The following ATMIN variants were observed in gnomAD, a reference collection of about 807,000 sequenced individuals.
The protein encoded by ATMIN is ATM INteracting protein.
A neutral mutation model predicts 49.2 loss-of-function variants in ATMIN; 24 were observed. The observed-to-expected ratio is 0.49, with a 90% confidence interval of 0.35 to 0.69. ATMIN has a LOEUF of 0.69. Among genes scored for constraint, ATMIN ranks in the 30% least tolerant of loss-of-function variants. ATMIN has a pLI of 0.00. For synonymous variants in ATMIN, 450 were observed against 392.5 expected (o/e 1.15, Z -1.73); for missense variants, 1,037 against 1,005.5 (o/e 1.03, Z -0.42).
intron 1 of ATMIN, 128 bp downstream of exon 1, chr16:81,036,334 G>A (rs1047624124): frequency 1.1e-5 from 10 of 912,422 alleles, no homozygotes; most frequent in African/African-American, 1.8e-5. Flanking sequence ...TGCCCCACCG[G>A]CCTCTGCCCT....
Position 81,044,821 on chromosome 16 carries a change from C to T in ATMIN, c.2323C>T (p.Leu775=). 1 of 1,614,170 alleles carries T rather than the reference C, an allele frequency of 6.2e-7. No homozygotes were observed. Among genetic ancestry groups the T allele is most frequent in the African/African-American group, 1.3e-5 (1 of 75,034 alleles). Residue 775 remains leucine, a synonymous_variant, in exon 4 of 4, where the codon CTG becomes TTG. Coordinates refer to ENST00000299575, the MANE Select transcript of ATMIN (RefSeq NM_015251.3). ...TQTMSSGFET[L]GSLFFTSNET... ...GACCATGAGTTCTGGGTTTGAAACCCTGGGGAGCTTGTTCTTCACCAGCAA... is the reference window on the plus strand; with the variant it reads ...GACCATGAGTTCTGGGTTTGAAACCTTGGGGAGCTTGTTCTTCACCAGCAA...
In ATMIN at chr16:81,046,661, G is replaced by GACACACACACACACACACACAC. The variant is rs56038631; in HGVS notation, c.*1700_*1721dup. 3.4e-5 allele frequency: 5 copies of GACACACACACACACACACACAC among 147,312 alleles called. No homozygotes were observed. The highest frequency in any genetic ancestry group is 1.2e-4 in the African/African-American group (5 of 40,150). 9.1% of individuals were successfully genotyped at this position (147,312 alleles called of 1,614,324 possible). On this transcript the variant is annotated 3_prime_UTR_variant, in exon 4 of 4. Transcript: ENST00000299575. ...GTGCAGCCTGTAAGTTCTCCACATT[G>GACACACACACACACACACACAC]ACACACACACACACACACACACACA...
In ATMIN at chr16:81,042,427, A is replaced by C; in HGVS notation, c.609A>C (p.Thr203=). ...GCGGCTGTCCCTACGCCAGTAGAAC[A>C]GCACTGCAGTCTCACATCTACCGAA... ...CTCGCPYASR[T]ALQSHIYRTG... The change falls in exon 3 of 4, where the codon ACA becomes ACC. Residue 203 remains threonine (T), a synonymous_variant. Coordinates refer to ENST00000299575, the MANE Select transcript of ATMIN (RefSeq NM_015251.3). 6.2e-7 allele frequency: 1 copy of C among 1,614,230 alleles called. No individual in the cohort carries two copies. Among genetic ancestry groups the C allele is most frequent in the South Asian group, 1.1e-5 (1 of 91,088 alleles).
rs1971032579 is a variant in ATMIN at position 81,041,284 on chromosome 16, C to G, written c.337-72C>G. On this transcript the variant is annotated intron_variant, in intron 1 of 3. Transcript: ENST00000299575. ...TTCACAAAATGTGCTCGTTTTCAGT[C>G]ATTCCGTTTCCACTCCAGCCTGTTG... The G allele has an allele frequency of 3.4e-6, 5 of 1,484,750 alleles. No individual in the cohort carries two copies. In the Admixed American group the frequency reaches 6.7e-5, roughly 20 times the overall value. The allele number at this position is 1,484,750 out of a possible 1,614,324, so 92.0% of individuals were successfully genotyped here.
Position 81,045,068 on chromosome 16 carries a change from C to G in ATMIN, c.*98C>G. 1 of 1,449,200 alleles carries G rather than the reference C, an allele frequency of 6.9e-7. No individual in the cohort carries two copies. The highest frequency in any genetic ancestry group is 9.3e-7 in the Non-Finnish European group (1 of 1,078,636). 89.8% of individuals were successfully genotyped at this position (1,449,200 alleles called of 1,614,324 possible). ...ACAGTATTAATTCGATTGAATGTGGCTGATGATGCAGTTGCTTAGCTTCTT... is the reference window on the plus strand; with the variant it reads ...ACAGTATTAATTCGATTGAATGTGGGTGATGATGCAGTTGCTTAGCTTCTT... On this transcript the variant is annotated 3_prime_UTR_variant, in exon 4 of 4. Transcript: ENST00000299575.
intron 1 of ATMIN, 81 bp downstream of exon 1, chr16:81,036,287 T>C: frequency 9.0e-7 from 1 of 1,107,492 alleles, no homozygotes; most frequent in Non-Finnish European, 1.1e-6. Context: ...GAAGCCGGCC[T>C]CGGGGGGACG....
chr16:81,046,215 CAAG>C lies in ATMIN; in HGVS notation c.*1248_*1250del, dbSNP rs1971117158. On this transcript the variant is annotated 3_prime_UTR_variant, in exon 4 of 4. Transcript: ENST00000299575. ...TGAGTTTTGTCACTCTAAAATTAAA[CAAG>C]AAAAAAAGTGGGAAAAGGGCATCCC... The C allele has an allele frequency of 6.6e-6, 1 of 151,184 alleles. No individual in the cohort carries two copies. The highest frequency in any genetic ancestry group is 1.5e-5 in the Non-Finnish European group (1 of 67,968). The allele number at this position is 151,184 out of a possible 1,614,324, so 9.4% of individuals were successfully genotyped here. A position where few individuals can be genotyped will look rare whatever the true frequency, so the allele number is the denominator to read the frequency against.
chr16:81,043,114 G>A, intron 3 of ATMIN, 47 bp from the exon 4 acceptor site: 1 of 1,549,346 alleles, frequency 6.5e-7, no homozygotes, highest in Non-Finnish European at 8.7e-7. Context: ...CATGGTCGAA[G>A]AAAGTTGTAT....
intron 1 of ATMIN, among the ~76,000 whole-genome samples, chr16:81,036,668 C>T (rs926688490): frequency 1.3e-5 from 2 of 152,204 alleles, no homozygotes; most frequent in African/African-American, 2.4e-5. Context: ...CACAATGCCG[C>T]CCTTGGGTCC....
At position 81,044,930 on chromosome 16, in the gene ATMIN, C is replaced by T; in HGVS notation, c.2432C>T (p.Thr811Ile). The change falls in exon 4 of 4, where the codon ACC (threonine) becomes ATC (isoleucine). Residue 811 changes from threonine (T) to isoleucine (I), a missense_variant. By Grantham distance (89) the Thr-to-Ile change is moderately conservative. Coordinates refer to ENST00000299575, the MANE Select transcript of ATMIN (RefSeq NM_015251.3). ...TMESQFSSVETQTSAEPHTVS... is the reference protein window; with the variant it reads ...TMESQFSSVEIQTSAEPHTVS... The stretch of plus-strand genomic sequence containing the variant: ...GAGTCTCAGTTCAGCTCTGTAGAAA[C>T]CCAGACTTCTGCGGAACCACACACA... The T allele has an allele frequency of 6.2e-7, 1 of 1,613,922 alleles. No homozygotes were observed. The highest frequency in any genetic ancestry group is 1.7e-5 in the Admixed American group (1 of 60,016).
rs1971135560 is a variant in ATMIN, at chr16:81,047,155, A to G, written c.*2185A>G. The G allele has an allele frequency of 6.6e-6, 1 of 152,652 alleles. No homozygotes were observed. The highest frequency in any genetic ancestry group is 1.5e-5 in the Non-Finnish European group (1 of 68,042). The allele number at this position is 152,652 out of a possible 1,614,324, so 9.5% of individuals were successfully genotyped here. On this transcript the variant is annotated 3_prime_UTR_variant, in exon 4 of 4. Transcript: ENST00000299575. ...AAGAAAAATGAGCATGTAATAATAC[A>G]AGAACTGTTTCCCCCTCAAAACCTG...
rs777142859 is a variant in ATMIN, at chr16:81,044,948, C to A, written c.2450C>A (p.Pro817Gln). Residue 817 changes from proline (P) to glutamine (Q), a missense_variant, in exon 4 of 4, where the codon CCA becomes CAA. Physicochemically the swap from Pro to Gln is moderately conservative, Grantham distance 76. Coordinates refer to ENST00000299575, the MANE Select transcript of ATMIN (RefSeq NM_015251.3). ...SSVETQTSAE[P>Q]HTVSNF ...GTAGAAACCCAGACTTCTGCGGAAC[C>A]ACACACAGTCTCCAACTTCTAAAAC... 1.1e-5 allele frequency: 18 copies of A among 1,613,092 alleles called. No homozygotes were observed. Among genetic ancestry groups the A allele is most frequent in the East Asian group, 6.7e-5 (3 of 44,870 alleles).
chr16:81,044,579 T>A lies in ATMIN; in HGVS notation c.2081T>A (p.Phe694Tyr), dbSNP rs1198766826. 1.2e-6 allele frequency: 2 copies of A among 1,614,020 alleles called. No individual in the cohort carries two copies. The highest frequency in any genetic ancestry group is 1.7e-5 in the Admixed American group (1 of 60,012). The change falls in exon 4 of 4, where the codon TTC becomes TAC. Residue 694 changes from phenylalanine to tyrosine, a missense_variant. Transcript: ENST00000299575. Reference protein sequence around the residue: ...QSYGCRGNSNFLGLEMFDTQT... With the variant: ...QSYGCRGNSNYLGLEMFDTQT... Reference sequence around the variant, plus strand: ...TATGGGTGTAGGGGAAATTCTAACTTCTTAGGCCTTGAGATGTTTGACACA... The same window carrying A: ...TATGGGTGTAGGGGAAATTCTAACTACTTAGGCCTTGAGATGTTTGACACA...
At chr16:81,037,737 GCAGTTC>G (rs1386047433) in intron 1 of ATMIN, among the ~76,000 whole-genome samples, 1 of 152,068 alleles carries the variant, frequency 6.6e-6, no homozygotes, top group African/African-American at 2.4e-5. Flanking sequence ...CGGGGTTCAA[GCAGTTC>G]TCCTGCCTCA....
chr16:81,043,272 A>G lies in ATMIN; in HGVS notation c.774A>G (p.Gln258=), dbSNP rs1236537927. 8.7e-6 allele frequency: 14 copies of G among 1,614,192 alleles called. No individual in the cohort carries two copies. The highest frequency in any genetic ancestry group is 1.2e-5 in the Non-Finnish European group (14 of 1,180,026). Residue 258 remains glutamine, a synonymous_variant, in exon 4 of 4, where the codon CAA becomes CAG. Coordinates refer to ENST00000299575, the MANE Select transcript of ATMIN (RefSeq NM_015251.3). The stretch of plus-strand genomic sequence containing the variant: ...AACCAATCCCTAGACCAGACACTCA[A>G]GAACTAGAAGCTTCAGAAATAAAGC... ...NNQPIPRPDT[Q]ELEASEIKLE... is the part of the protein sequence containing the mutation.
rs1971050056 is a variant in ATMIN, at chr16:81,042,379, T to C, written c.561T>C (p.Cys187=). The change falls in exon 3 of 4, where the codon TGT becomes TGC. Residue 187 remains cysteine (C), a synonymous_variant. Transcript: ENST00000299575. ...EWDLKRHAED[C]GKTFRCTCGC... is the part of the protein sequence containing the mutation. ...ACCTGAAAAGACATGCAGAGGACTG[T>C]GGCAAGACCTTCCGGTGCACATGCG... 6.2e-7 allele frequency: 1 copy of C among 1,614,168 alleles called. No homozygotes were observed. The highest frequency in any genetic ancestry group is 8.5e-7 in the Non-Finnish European group (1 of 1,180,022).
rs1251915300 is a variant in ATMIN, at chr16:81,046,382, ATTAC to A, written c.*1415_*1418del. The A allele has an allele frequency of 6.6e-6, 1 of 152,224 alleles. No homozygotes were observed. Among genetic ancestry groups the A allele is most frequent in the African/African-American group, 2.4e-5 (1 of 41,456 alleles). 9.4% of individuals were successfully genotyped at this position (152,224 alleles called of 1,614,324 possible). A position where few individuals can be genotyped will look rare whatever the true frequency, so the allele number is the denominator to read the frequency against. ...ATAAGAAAAAGTATCTAGCAAGGAT[ATTAC>A]TTGTGCCTTGAGGCTAGCAATTATA... On this transcript the variant is annotated 3_prime_UTR_variant, in exon 4 of 4. Transcript: ENST00000299575.
chr16:81,044,207 C>T lies in ATMIN; in HGVS notation c.1709C>T (p.Ala570Val), dbSNP rs761476797. 1 of 1,614,098 alleles carries T rather than the reference C, an allele frequency of 6.2e-7. No individual in the cohort carries two copies. Among genetic ancestry groups the T allele is most frequent in the Middle Eastern group, 1.7e-4 (1 of 6,060 alleles). Residue 570 changes from alanine to valine, a missense_variant, in exon 4 of 4, where the codon GCA (alanine) becomes GTA (valine). Physicochemically the swap from Ala to Val is moderately conservative, Grantham distance 64. Coordinates refer to ENST00000299575, the MANE Select transcript of ATMIN (RefSeq NM_015251.3). ...TCTGCACCAATTATAAATTTCAGTG[C>T]ACAGAATAGTATGCTTCCTTCACAG... ...EKSAPIINFS[A>V]QNSMLPSQNM...
At position 81,043,689 on chromosome 16, in the gene ATMIN, A is replaced by G. The variant is rs775138730; in HGVS notation, c.1191A>G (p.Gln397=). The G allele has an allele frequency of 6.2e-7, 1 of 1,614,226 alleles. No homozygotes were observed. The highest frequency in any genetic ancestry group is 1.7e-5 in the Admixed American group (1 of 60,020). Residue 397 remains glutamine (Q), a synonymous_variant, in exon 4 of 4, where the codon CAA becomes CAG. Coordinates refer to ENST00000299575, the MANE Select transcript of ATMIN (RefSeq NM_015251.3). The part of the protein sequence containing the change: ...NFGKSPSNPL[Q]ELGNTCQKNS... Reference sequence around the variant, plus strand: ...GTAAAAGTCCATCTAATCCTTTACAAGAACTAGGGAACACGTGTCAAAAGA... The same window carrying G: ...GTAAAAGTCCATCTAATCCTTTACAGGAACTAGGGAACACGTGTCAAAAGA...
Sources: allele counts gnomAD v4.1 joint callset (sites outside exome capture counted in the v4.1 genomes callset), GRCh38; gene constraint gnomAD v4.1.1; transcripts MANE v1.5; gene names NCBI Gene and HGNC (gene_info 2026-07-23, HGNC 2026-07-21).